FER: variants seen among roughly 807,000 people sequenced by gnomAD.
The protein encoded by FER is tyrosine-protein kinase Fer.
A neutral mutation model predicts 111.0 loss-of-function variants in FER; 63 were observed. The observed-to-expected ratio is 0.57, with a 90% confidence interval of 0.46 to 0.70. The LOEUF (loss-of-function observed/expected upper bound fraction) is 0.70. Among genes scored for constraint, FER ranks in the 30% least tolerant of loss-of-function variants. FER has a pLI of 0.00. For missense variants in FER, 914 were observed against 954.0 expected (o/e 0.96, Z 0.55); for synonymous variants, 327 against 313.9 (o/e 1.04, Z -0.44).
chr5:109,072,634 A>C (rs986035571), intron 16 of FER, among the ~76,000 whole-genome samples: 6 of 152,122 alleles, frequency 3.9e-5, no homozygotes, highest in African/African-American at 1.4e-4. Flanking sequence ...TTCCACATCC[A>C]GCTATCGGAC....
intron 1 of FER, among the ~76,000 whole-genome samples, chr5:108,756,784 C>T (rs2149917691): frequency 6.6e-6 from 1 of 152,216 alleles, no homozygotes; most frequent in East Asian, 1.9e-4. Context: ...CACACACACA[C>T]ATTTTTTGTT....
In FER at chr5:108,932,653, G is replaced by C. The variant is rs1158581179; in HGVS notation, c.1237-13477G>C. Among the ~76,000 whole-genome samples, 4 of 152,116 alleles carry C rather than the reference G, an allele frequency of 2.6e-5. No individual in the cohort carries two copies. In the East Asian group the frequency reaches 7.7e-4, roughly 29 times the overall value. On this transcript the variant is annotated intron_variant, in intron 10 of 19. Transcript: ENST00000281092. ...ACTCCCACCAACAGTGGAGAAACGT[G>C]TTCCTGTTTCTCTACATCCTCTCCA... is the stretch of plus-strand genomic sequence containing the variant.
intron 5 of FER, among the ~76,000 whole-genome samples, chr5:108,849,680 T>C (rs760253013): frequency 6.6e-5 from 10 of 152,162 alleles, no homozygotes; most frequent in Admixed American, 1.3e-4. Context: ...ATTTGTTCCT[T>C]CATTTTGGTT....
intron 10 of FER, among the ~76,000 whole-genome samples, chr5:108,944,784 A>C (rs1756750397): frequency 6.6e-6 from 1 of 152,120 alleles, no homozygotes. Context: ...TATGAAACTT[A>C]AGGTCTCATT....
At chr5:109,174,021 A>G (rs1469229678) in intron 17 of FER, among the ~76,000 whole-genome samples, 1 of 152,206 alleles carries the variant, frequency 6.6e-6, no homozygotes, top group East Asian at 1.9e-4. Context: ...TGGCACTGGA[A>G]CAGTTCTTCA....
intron 5 of FER, among the ~76,000 whole-genome samples, chr5:108,858,872 C>T (rs996195306): frequency 1.3e-5 from 2 of 149,434 alleles, no homozygotes; most frequent in African/African-American, 4.9e-5. Context: ...CCCTTTCCTA[C>T]ATATGGACAT....
intron 11 of FER, among the ~76,000 whole-genome samples, chr5:108,950,824 C>G (rs1757628850): frequency 6.6e-6 from 1 of 152,082 alleles, no homozygotes; most frequent in Non-Finnish European, 1.5e-5. Context: ...TTACATTTCC[C>G]TTTCACTGCA....
At chr5:108,864,562 A>G (rs984653645) in intron 5 of FER, among the ~76,000 whole-genome samples, 1 of 152,176 alleles carries the variant, frequency 6.6e-6, no homozygotes, top group African/African-American at 2.4e-5. Context: ...TTTCTGTTTC[A>G]GCTTTCTACA....
chr5:108,949,026 A>G (rs182679752), intron 11 of FER, among the ~76,000 whole-genome samples: 1 of 152,234 alleles, frequency 6.6e-6, no homozygotes, highest in Non-Finnish European at 1.5e-5. Context: ...TTGTACTAGA[A>G]TTTAGAAAAT....
At chr5:108,804,152 A>G (rs562659233) in intron 3 of FER, among the ~76,000 whole-genome samples, 155 of 152,196 alleles carry the variant, frequency 1.0e-3, no homozygotes, top group African/African-American at 3.6e-3. Flanking sequence ...TTATTAGTAT[A>G]TAGAATTGGT....
chr5:109,100,549 G>T (rs1157434220), intron 17 of FER, 30 bp downstream of exon 17: 5 of 1,579,000 alleles, frequency 3.2e-6, no homozygotes, highest in South Asian at 1.2e-5. Flanking sequence ...AGCAATTTTT[G>T]GTTTTATTAA....
chr5:109,076,075 G>A (rs764158345), intron 16 of FER, among the ~76,000 whole-genome samples: 1 of 151,872 alleles, frequency 6.6e-6, no homozygotes, highest in Non-Finnish European at 1.5e-5. Flanking sequence ...TCCGATTGGA[G>A]CTTTATAACA....
chr5:108,886,699 G>C (rs116744724), intron 9 of FER, among the ~76,000 whole-genome samples: 2 of 151,526 alleles, frequency 1.3e-5, no homozygotes, highest in South Asian at 4.1e-4. Flanking sequence ...AAGTTAGCAG[G>C]GGTAAGTATG....
At chr5:108,845,210 C>T (rs1401167508) in intron 5 of FER, among the ~76,000 whole-genome samples, 3 of 150,682 alleles carry the variant, frequency 2.0e-5, no homozygotes, top group East Asian at 2.0e-4. Context: ...CTTGCTCTGT[C>T]GCCCAGGCTG....
chr5:108,772,602 A>C (rs1753046470), intron 2 of FER, among the ~76,000 whole-genome samples: 1 of 152,204 alleles, frequency 6.6e-6, no homozygotes, highest in African/African-American at 2.4e-5. Context: ...GCTGGAGATA[A>C]CATTGTCATT....
rs535536680 is a variant in FER at position 108,935,702 on chromosome 5, T to C, written c.1237-10428T>C. Among the ~76,000 whole-genome samples the C allele has an allele frequency of 3.3e-5, 5 of 152,218 alleles. No individual in the cohort carries two copies. The East Asian group carries it at 9.6e-4, about 29-fold the overall frequency. On this transcript the variant is annotated intron_variant, in intron 10 of 19. Transcript: ENST00000281092. ...TCTGCCCTTTTATTCAAGTAATTTT[T>C]TGAGTACTTCTCTGTGAGTCATAAT...
At chr5:109,104,799 G>C (rs1327335647) in intron 17 of FER, among the ~76,000 whole-genome samples, 1 of 151,996 alleles carries the variant, frequency 6.6e-6, no homozygotes, top group Non-Finnish European at 1.5e-5. Context: ...CTGGAGTGCA[G>C]TGGCGCCATC....
intron 18 of FER, among the ~76,000 whole-genome samples, chr5:109,182,323 T>C (rs1758369974): frequency 6.6e-6 from 1 of 152,184 alleles, no homozygotes; most frequent in Non-Finnish European, 1.5e-5. Context: ...TCACCCTTAG[T>C]TTGTCTTTCA....
chr5:108,788,534 CTT>C (rs111580201), intron 2 of FER, among the ~76,000 whole-genome samples: 1 of 146,226 alleles, frequency 6.8e-6, no homozygotes. Context: ...ACACTAATAT[CTT>C]TTTTTTTTTT....
Sources: allele counts gnomAD v4.1 joint callset (sites outside exome capture counted in the v4.1 genomes callset), GRCh38; gene constraint gnomAD v4.1.1; transcripts MANE v1.5; gene names NCBI Gene and HGNC (gene_info 2026-07-23, HGNC 2026-07-21).